OPCML: variants seen among roughly 807,000 people sequenced by gnomAD.
OPCML encodes the protein opioid binding protein/cell adhesion molecule like, also known as opioid-binding protein/cell adhesion molecule.
A neutral mutation model predicts 37.8 loss-of-function variants in OPCML; 13 were observed. The ratio of observed to expected loss-of-function variants is 0.34; its 90% CI spans 0.22 to 0.55. The LOEUF (loss-of-function observed/expected upper bound fraction) is 0.55, where lower values mean the gene tolerates loss of function less well. Among genes scored for constraint, OPCML ranks in the 20% least tolerant of loss-of-function variants. OPCML has a pLI of 0.91. For synonymous variants in OPCML, 176 were observed against 168.8 expected (o/e 1.04, Z -0.33); for missense variants, 341 against 435.6 (o/e 0.78, Z 1.93).
At chr11:132,861,956 T>G (rs1337741274) in intron 2 of OPCML, among the ~76,000 whole-genome samples, 1 of 152,182 alleles carries the variant, frequency 6.6e-6, no homozygotes, top group Non-Finnish European at 1.5e-5. Flanking sequence ...TTAGTCTTTT[T>G]GTTTTCCTTT....
chr11:132,476,834 G>GTAT (rs1193496067), intron 4 of OPCML, among the ~76,000 whole-genome samples: 1 of 151,386 alleles, frequency 6.6e-6, no homozygotes, highest in Non-Finnish European at 1.5e-5. Flanking sequence ...AAAATTTAAA[G>GTAT]TATAATAATA....
intron 1 of OPCML, among the ~76,000 whole-genome samples, chr11:133,387,732 C>T (rs764431119): frequency 2.0e-5 from 3 of 152,142 alleles, no homozygotes; most frequent in Non-Finnish European, 1.5e-5. Context: ...ACATGGCTTG[C>T]GATTCGACTG....
At chr11:133,512,535 C>T (rs990298883) in intron 1 of OPCML, among the ~76,000 whole-genome samples, 1 of 152,200 alleles carries the variant, frequency 6.6e-6, no homozygotes, top group Non-Finnish European at 1.5e-5. Context: ...TTATTAGCCA[C>T]TGGTGATTAG....
intron 2 of OPCML, among the ~76,000 whole-genome samples, chr11:132,664,231 T>A (rs1437327000): frequency 6.6e-6 from 1 of 152,208 alleles, no homozygotes; most frequent in Admixed American, 6.5e-5. Flanking sequence ...AAGGCATTTA[T>A]ACCTAGTTTT....
chr11:132,555,567 A>G (rs1159135115), intron 3 of OPCML, among the ~76,000 whole-genome samples: 1 of 152,168 alleles, frequency 6.6e-6, no homozygotes, highest in Non-Finnish European at 1.5e-5. Flanking sequence ...GCCAAACCAT[A>G]TCAAAGGGGA....
At chr11:132,979,280 C>T (rs915154582) in intron 1 of OPCML, among the ~76,000 whole-genome samples, 1 of 152,208 alleles carries the variant, frequency 6.6e-6, no homozygotes, top group Non-Finnish European at 1.5e-5. Flanking sequence ...TGTCACTCCT[C>T]TGTCCTGAGC....
At chr11:132,529,240 A>C in intron 3 of OPCML, 54 bp from the exon 4 acceptor site, 2 of 1,546,348 alleles carry the variant, frequency 1.3e-6, no homozygotes, top group Non-Finnish European at 1.8e-6. Context: ...TGCACTTAAA[A>C]GGAGGTGTTA....
At chr11:132,445,136 G>T (rs368101411) in intron 4 of OPCML, among the ~76,000 whole-genome samples, 1 of 152,220 alleles carries the variant, frequency 6.6e-6, no homozygotes, top group Non-Finnish European at 1.5e-5. Context: ...CTTCCCTGAG[G>T]CTGACAGTAA....
chr11:133,098,213 CTTTT>C (rs749902124), intron 1 of OPCML, among the ~76,000 whole-genome samples: 5 of 133,726 alleles, frequency 3.7e-5, no homozygotes, highest in African/African-American at 5.7e-5. Context: ...GCTGGTTAAA[CTTTT>C]TTTTTTTTTT....
At chr11:132,939,412 C>T (rs1945499220) in intron 2 of OPCML, among the ~76,000 whole-genome samples, 1 of 152,204 alleles carries the variant, frequency 6.6e-6, no homozygotes, top group African/African-American at 2.4e-5. Context: ...AGCCATTAAG[C>T]ATAATCCCAG....
intron 1 of OPCML, among the ~76,000 whole-genome samples, chr11:132,999,577 G>A (rs12225546): frequency 0.16 from 23,380 of 146,606 alleles, 2,247 homozygotes; most frequent in Admixed American, 0.31. Flanking sequence ...GTCGGGGGGG[G>A]AATGCCACCG....
intron 3 of OPCML, among the ~76,000 whole-genome samples, chr11:132,599,045 C>T (rs1937642331): frequency 6.6e-6 from 1 of 151,986 alleles, no homozygotes; most frequent in Non-Finnish European, 1.5e-5. Flanking sequence ...TTTGGGAGGC[C>T]AAGTTGGTGG....
At chr11:132,483,746 C>T (rs1178482257) in intron 4 of OPCML, among the ~76,000 whole-genome samples, 2 of 151,644 alleles carry the variant, frequency 1.3e-5, no homozygotes, top group Non-Finnish European at 2.9e-5. Context: ...AGAACAGAGC[C>T]CTCAGAAATA....
At chr11:132,586,292 GA>G (rs2096472513) in intron 3 of OPCML, among the ~76,000 whole-genome samples, 1 of 152,182 alleles carries the variant, frequency 6.6e-6, no homozygotes, top group African/African-American at 2.4e-5. Flanking sequence ...GAGACTTAAA[GA>G]AATGTGATAT....
At chr11:132,837,365 A>G (rs73041434) in intron 2 of OPCML, among the ~76,000 whole-genome samples, 10,172 of 152,190 alleles carry the variant, frequency 0.067, 385 homozygotes, top group Non-Finnish European at 0.076. Flanking sequence ...TAATCATGAC[A>G]TCCTAAGAAG....
At chr11:133,360,607 G>GGGGAGGAGGGAAGAA (rs939987046) in intron 1 of OPCML, 1 of 152,378 alleles carries the variant, frequency 6.6e-6, no homozygotes, top group Non-Finnish European at 1.5e-5. Flanking sequence ...AGGGGAGAAA[G>GGGGAGGAGGGAAGAA]GGGAGGAGGG....
rs972416919 is a variant in OPCML, at chr11:133,272,934, G to A, written c.61+259330C>T. Among the ~76,000 whole-genome samples the A allele has an allele frequency of 2.6e-5, 4 of 152,260 alleles. No individual in the cohort carries two copies. The East Asian group carries it at 7.8e-4, about 30-fold the overall frequency. On this transcript the variant is annotated intron_variant, in intron 1 of 7. Coordinates refer to ENST00000524381, the MANE Select transcript of OPCML (RefSeq NM_001012393.5). ...TTCACTCCTTGTTGGAAAATTACGGGCCTTCTTTTAAATCAAAATTTCTCT... is the reference window on the plus strand; with the variant it reads ...TTCACTCCTTGTTGGAAAATTACGGACCTTCTTTTAAATCAAAATTTCTCT...
chr11:132,615,945 A>G (rs1343632008), intron 3 of OPCML, among the ~76,000 whole-genome samples: 1 of 152,234 alleles, frequency 6.6e-6, no homozygotes, highest in Non-Finnish European at 1.5e-5. Flanking sequence ...GATGCATAAA[A>G]GTAAAGTGAA....
intron 2 of OPCML, among the ~76,000 whole-genome samples, chr11:132,769,240 G>GTTTTTTTT (rs374516026): frequency 1.4e-5 from 2 of 146,546 alleles, no homozygotes; most frequent in Non-Finnish European, 1.5e-5. Context: ...TGGTTTGTTT[G>GTTTTTTTT]TTGTTTTTTT....
Sources: gnomAD v4.1 joint callset for allele counts (sites outside exome capture counted in the v4.1 genomes callset) on GRCh38, gnomAD v4.1.1 for gene constraint, MANE v1.5 for transcripts, NCBI Gene and HGNC (gene_info 2026-07-23, HGNC 2026-07-21) for gene names.